The following TCF20 variants were observed in gnomAD, a reference collection of about 807,000 sequenced individuals.
TCF20 encodes SPRE-binding protein.
Under a neutral mutation model 148.6 loss-of-function variants are expected in TCF20, and 3 were observed. That is an observed-to-expected ratio of 0.02 (90% confidence interval 0.01 to 0.05). The LOEUF (loss-of-function observed/expected upper bound fraction) is 0.05, where lower values mean the gene tolerates loss of function less well. Ranked by LOEUF, TCF20 falls within the 10% of genes least tolerant of loss-of-function variation. The probability of loss-of-function intolerance (pLI) is 1.00; values close to 1 mark genes in which losing one functional copy is unlikely to be tolerated. For synonymous variants in TCF20, 1,049 were observed against 909.5 expected (o/e 1.15, Z -2.76); for missense variants, 2,350 against 2,429.3 (o/e 0.97, Z 0.69).
chr22:42,239,591 C>G (rs1268727456), intron 1 of TCF20, among the ~76,000 whole-genome samples: 3 of 152,110 alleles, frequency 2.0e-5, no homozygotes, highest in South Asian at 4.1e-4. Flanking sequence ...AGTTCCAGAC[C>G]AGTCTGGCCA....
At chr22:42,189,109 T>C (rs1224737509) in intron 2 of TCF20, among the ~76,000 whole-genome samples, 1 of 152,118 alleles carries the variant, frequency 6.6e-6, no homozygotes, top group Non-Finnish European at 1.5e-5. Flanking sequence ...GAAGCTGATA[T>C]GCAGGAACCC....
chr22:42,173,735 G>T (rs564078774), intron 3 of TCF20, among the ~76,000 whole-genome samples: 52 of 152,152 alleles, frequency 3.4e-4, no homozygotes, highest in African/African-American at 1.3e-3. Flanking sequence ...CTGTGACTTG[G>T]GTCATCAAAA....
rs773240994 is a variant in TCF20 at position 42,211,335 on chromosome 22, T to C, written c.3971A>G (p.Asp1324Gly). ...GGTAACAGCAGGGCAGTTTCTACTA[T>C]CTGGACTTGGAAGGTCCTTGGAGGA... ...RDSSKDLPSP[D>G]SRNCPAVTLT... Residue 1324 changes from aspartate to glycine, a missense_variant, in exon 2 of 6, where the codon GAT becomes GGT. Around this residue, in one of 7 missense-constraint regions of TCF20, gnomAD observed 1,641 missense variants for 1,662.6 expected, o/e 0.99. Coordinates refer to ENST00000677622, the MANE Select transcript of TCF20 (RefSeq NM_001378418.1). 4 of 1,614,184 alleles carry C rather than the reference T, an allele frequency of 2.5e-6. No individual in the cohort carries two copies. The highest frequency in any genetic ancestry group is 1.3e-5 in the African/African-American group (1 of 75,038).
intron 1 of TCF20, among the ~76,000 whole-genome samples, chr22:42,232,518 T>C (rs754685276): frequency 6.6e-6 from 1 of 152,110 alleles, no homozygotes; most frequent in Admixed American, 6.5e-5. Context: ...TTACAGGGCA[T>C]AGTCATCTTT....
At chr22:42,203,753 G>C (rs896275753) in intron 2 of TCF20, among the ~76,000 whole-genome samples, 1 of 152,208 alleles carries the variant, frequency 6.6e-6, no homozygotes, top group African/African-American at 2.4e-5. Context: ...CAGAGAGAGG[G>C]GGCTGGGAGG....
intron 1 of TCF20, among the ~76,000 whole-genome samples, chr22:42,225,455 A>T (rs951821498): frequency 6.6e-6 from 1 of 150,604 alleles, no homozygotes; most frequent in Non-Finnish European, 1.5e-5. Context: ...TCTACTAAAA[A>T]TACAAAAAAT....
rs866988521 is a variant in TCF20, at chr22:42,169,825, G to T, written c.5799+22C>A. On this transcript the variant is annotated intron_variant, in intron 4 of 5. Transcript: ENST00000677622. ...ACCCTCGATCCCATCCCTGCTGGTA[G>T]CTCTTGGGGCCTCTGACTCACCTTG... The T allele has an allele frequency of 1.4e-5, 22 of 1,613,168 alleles. 1 individual carries two copies. The Middle Eastern group carries it at 3.0e-3, about 220-fold the overall frequency.
intron 1 of TCF20, among the ~76,000 whole-genome samples, chr22:42,330,535 C>T (rs1470548201): frequency 1.3e-5 from 2 of 152,220 alleles, no homozygotes; most frequent in African/African-American, 4.8e-5. Context: ...GCCCCACAGT[C>T]TCCCCCAAAC....
chr22:42,228,844 T>C (rs936964085), intron 1 of TCF20, among the ~76,000 whole-genome samples: 43 of 152,150 alleles, frequency 2.8e-4, no homozygotes, highest in Admixed American at 2.6e-4. Context: ...GAAATCAATT[T>C]AGTGGGTCAT....
chr22:42,249,870 A>G (rs1428782069), intron 1 of TCF20, among the ~76,000 whole-genome samples: 1 of 152,114 alleles, frequency 6.6e-6, no homozygotes, highest in Non-Finnish European at 1.5e-5. Context: ...GGAGAGTTCT[A>G]ATTAATTCTA....
rs1927724237 is a variant in TCF20, at chr22:42,321,095, C to T, written c.-37+22384G>A. ...CAGTTCCCCAAGCAACTGTAAAAGC[C>T]GCGCGCAAGCAATTCAGGAGCAAGG... On this transcript the variant is annotated intron_variant, in intron 1 of 1. Transcript: ENST00000515426. Among the ~76,000 whole-genome samples the T allele has an allele frequency of 2.6e-5, 4 of 152,216 alleles. No homozygotes were observed. In the South Asian group the frequency reaches 8.3e-4, roughly 31 times the overall value.
At chr22:42,228,832 G>A (rs1479525523) in intron 1 of TCF20, among the ~76,000 whole-genome samples, 1 of 152,122 alleles carries the variant, frequency 6.6e-6, no homozygotes, top group Non-Finnish European at 1.5e-5. Context: ...ACTGCAGGCT[G>A]TGAAATCAAT....
At chr22:42,267,607 G>A (rs1439668109) in intron 1 of TCF20, among the ~76,000 whole-genome samples, 2 of 151,924 alleles carry the variant, frequency 1.3e-5, no homozygotes, top group African/African-American at 4.8e-5. Flanking sequence ...AGGCTGAGGT[G>A]GGAGAATTGC....
At chr22:42,245,363 T>G (rs1924818689) in intron 1 of TCF20, among the ~76,000 whole-genome samples, 1 of 152,110 alleles carries the variant, frequency 6.6e-6, no homozygotes, top group Non-Finnish European at 1.5e-5. Flanking sequence ...TCAACTACTG[T>G]GTCCAGCCTC....
chr22:42,235,567 T>C (rs868365118), intron 1 of TCF20, among the ~76,000 whole-genome samples: 18 of 152,358 alleles, frequency 1.2e-4, no homozygotes, highest in African/African-American at 4.3e-4. Flanking sequence ...GAACAAAAAA[T>C]ACAATTTTAT....
intron 1 of TCF20, among the ~76,000 whole-genome samples, chr22:42,253,078 C>A (rs183193602): frequency 9.9e-5 from 15 of 152,056 alleles, no homozygotes; most frequent in Non-Finnish European, 1.6e-4. Flanking sequence ...AGGAAAAAAA[C>A]AACAAAACAA....
At chr22:42,176,033 C>G (rs1447697635) in intron 3 of TCF20, among the ~76,000 whole-genome samples, 1 of 151,742 alleles carries the variant, frequency 6.6e-6, no homozygotes, top group Non-Finnish European at 1.5e-5. Context: ...TGGGCTCAAG[C>G]AATCCTCCCA....
At chr22:42,178,249 T>C (rs1392427209) in intron 3 of TCF20, among the ~76,000 whole-genome samples, 1 of 152,176 alleles carries the variant, frequency 6.6e-6, no homozygotes, top group African/African-American at 2.4e-5. Flanking sequence ...GTGAAGTGTT[T>C]CCGTGAATTC....
chr22:42,290,629 G>A lies in TCF20; in HGVS notation c.-37+52850C>T, dbSNP rs1193247959. ...CTTCTGGTTTCTGGAGGGTACCAGA[G>A]GAGAAGGAGCGCGTGCCCCTGAGCC... is the stretch of plus-strand genomic sequence containing the variant. On this transcript the variant is annotated intron_variant, in intron 1 of 1. Transcript: ENST00000515426. This position sits in a 1 kb window ranked among gnomAD's most constrained non-coding sequence, Gnocchi z 4.2. Among the ~76,000 whole-genome samples the A allele has an allele frequency of 6.6e-6, 1 of 152,184 alleles. No individual in the cohort carries two copies. Among genetic ancestry groups the A allele is most frequent in the Non-Finnish European group, 1.5e-5 (1 of 68,030 alleles).
Sources: gnomAD v4.1 joint callset for allele counts (sites outside exome capture counted in the v4.1 genomes callset) on GRCh38, gnomAD v4.1.1 for gene constraint, gnomAD v4.1.1 regional missense constraint, Gnocchi (gnomAD v3.1) non-coding constraint, MANE v1.5 for transcripts, NCBI Gene and HGNC (gene_info 2026-07-23, HGNC 2026-07-21) for gene names.